The following KDM4B variants were observed in gnomAD, a reference collection of about 807,000 sequenced individuals.
KDM4B encodes the protein lysine demethylase 4B, also known as lysine-specific demethylase 4B.
A neutral mutation model predicts 125.2 loss-of-function variants in KDM4B; 32 were observed. The observed-to-expected ratio is 0.26, with a 90% confidence interval of 0.19 to 0.34. KDM4B has a LOEUF of 0.34. KDM4B is among the 10% of genes least tolerant of loss of function. KDM4B has a pLI of 1.00. For synonymous variants in KDM4B, 721 were observed against 677.9 expected (o/e 1.06, Z -0.99); for missense variants, 1,190 against 1,577.7 (o/e 0.75, Z 4.16).
intron 6 of KDM4B, among the ~76,000 whole-genome samples, chr19:5,064,514 C>T (rs569557835): frequency 3.3e-5 from 5 of 152,260 alleles, no homozygotes; most frequent in East Asian, 3.9e-4. Context: ...ACCTAATTGC[C>T]GAGAGCTTCC....
chr19:5,008,971 A>G (rs891402999), intron 1 of KDM4B, among the ~76,000 whole-genome samples: 1 of 139,220 alleles, frequency 7.2e-6, no homozygotes, highest in African/African-American at 2.8e-5. Flanking sequence ...GCTGGAGTGC[A>G]GTGGCATGAT....
intron 4 of KDM4B, 145 bp from the exon 5 acceptor site, chr19:5,040,992 G>A (rs555851345): frequency 2.6e-5 from 14 of 530,862 alleles, no homozygotes; most frequent in Admixed American, 9.5e-5. Context: ...AGCAGGTTGC[G>A]TGGTACCCTA....
chr19:5,026,854 T>C (rs2036294234), intron 2 of KDM4B, among the ~76,000 whole-genome samples: 1 of 152,206 alleles, frequency 6.6e-6, no homozygotes, highest in Non-Finnish European at 1.5e-5. Context: ...CCTGCCCTGG[T>C]GTCCCCATAG....
intron 11 of KDM4B, among the ~76,000 whole-genome samples, chr19:5,121,304 C>G (rs2039356460): frequency 1.3e-5 from 2 of 152,118 alleles, no homozygotes; most frequent in Admixed American, 1.3e-4. Context: ...GTACGTGGGC[C>G]CTGCGTCTGT....
At position 5,141,193 on chromosome 19, in the gene KDM4B, G is replaced by A. The variant is rs2039735864; in HGVS notation, c.2551-2774G>A. On this transcript the variant is annotated intron_variant, in intron 18 of 22. Transcript: ENST00000159111. The surrounding 1 kb of genome is among the most constrained non-coding windows in gnomAD (Gnocchi z 6.4). ...GCAGGGCTGTGCAGGCAGTCACAGA[G>A]GCTCATCTGGAAGGGGAGCCCTCTT... is the stretch of plus-strand genomic sequence containing the variant. 6.6e-6 allele frequency: 1 copy of A among 152,260 alleles called. No homozygotes were observed. The highest frequency in any genetic ancestry group is 6.5e-5 in the Admixed American group (1 of 15,288). 9.4% of individuals were successfully genotyped at this position (152,260 alleles called of 1,614,324 possible).
chr19:4,979,943 C>G (rs1257379414), intron 1 of KDM4B, among the ~76,000 whole-genome samples: 1 of 151,902 alleles, frequency 6.6e-6, no homozygotes, highest in African/African-American at 2.4e-5. Context: ...TCTCTACTAA[C>G]AATACAAAAG....
chr19:5,115,013 CAG>C lies in KDM4B; in HGVS notation c.1115+4200_1115+4201del, dbSNP rs1021759566. Among the ~76,000 whole-genome samples, 3 of 152,196 alleles carry C rather than the reference CAG, an allele frequency of 2.0e-5. No individual in the cohort carries two copies. Among genetic ancestry groups the C allele is most frequent in the Admixed American group, 2.0e-4 (3 of 15,286 alleles). On this transcript the variant is annotated intron_variant, in intron 10 of 22. Transcript: ENST00000159111. The surrounding 1 kb of genome is among the most constrained non-coding windows in gnomAD (Gnocchi z 4.2). ...CTCTCCTGAAACGCCACTGAAACAC[CAG>C]AGAGTGAAGTGCAGAGAACGGGAGA...
At chr19:5,099,716 TGGA>T (rs888591216) in intron 9 of KDM4B, among the ~76,000 whole-genome samples, 39 of 152,300 alleles carry the variant, frequency 2.6e-4, no homozygotes, top group African/African-American at 9.4e-4. Flanking sequence ...GGCACCCTCA[TGGA>T]GGAGATCAGA....
intron 9 of KDM4B, among the ~76,000 whole-genome samples, chr19:5,104,073 T>C (rs1465724333): frequency 6.6e-6 from 1 of 152,122 alleles, no homozygotes; most frequent in East Asian, 1.9e-4. Flanking sequence ...GGAAAAAGTG[T>C]CCTGTGGCTG....
intron 9 of KDM4B, among the ~76,000 whole-genome samples, chr19:5,092,277 C>A (rs2038724658): frequency 6.6e-6 from 1 of 152,132 alleles, no homozygotes; most frequent in Admixed American, 6.5e-5. Flanking sequence ...TGAGCAGTGC[C>A]CCTGGCCTCC....
chr19:5,031,387 G>A (rs1003914573), intron 2 of KDM4B, among the ~76,000 whole-genome samples: 3 of 152,384 alleles, frequency 2.0e-5, no homozygotes, highest in South Asian at 2.1e-4. Context: ...TAGGCTGCAC[G>A]TGGTCACGTG....
Position 5,133,932 on chromosome 19 carries a change from G to C in KDM4B, c.1956G>C (p.Leu652Phe). The C allele has an allele frequency of 6.2e-7, 1 of 1,613,120 alleles. No homozygotes were observed. The highest frequency in any genetic ancestry group is 8.5e-7 in the Non-Finnish European group (1 of 1,179,932). Residue 652 changes from leucine to phenylalanine, a missense_variant, in exon 14 of 23, where the codon TTG becomes TTC. Around this residue, in one of 7 missense-constraint regions of KDM4B, gnomAD observed 128 missense variants for 137.8 expected, o/e 0.93. Coordinates refer to ENST00000159111, the MANE Select transcript of KDM4B (RefSeq NM_015015.3). Reference protein sequence around the residue: ...GEEDVSDPDALRPLLSLQWKN... With the variant: ...GEEDVSDPDAFRPLLSLQWKN... ...AAGATGTGAGTGACCCGGACGCCTT[G>C]AGGCCGCTGCTGTCTCTGCAGTGGA...
chr19:5,056,989 C>T (rs1306546516), intron 6 of KDM4B, among the ~76,000 whole-genome samples: 6 of 151,636 alleles, frequency 4.0e-5, no homozygotes, highest in East Asian at 3.9e-4. Flanking sequence ...TGATTTGGTA[C>T]AGAAACGGAC....
At chr19:4,980,902 G>A (rs1414441782) in intron 1 of KDM4B, among the ~76,000 whole-genome samples, 8 of 146,002 alleles carry the variant, frequency 5.5e-5, no homozygotes, top group South Asian at 2.2e-4. Context: ...AATACAGGCC[G>A]AGATGGCCCC....
intron 21 of KDM4B, among the ~76,000 whole-genome samples, chr19:5,146,196 G>T (rs1347933040): frequency 7.8e-6 from 1 of 128,648 alleles, no homozygotes; most frequent in East Asian, 2.6e-4. Flanking sequence ...GGCCGGCCCC[G>T]CCCGGTCACT....
At chr19:5,100,708 C>G (rs1241694571) in intron 9 of KDM4B, among the ~76,000 whole-genome samples, 2 of 152,242 alleles carry the variant, frequency 1.3e-5, no homozygotes, top group African/African-American at 4.8e-5. Flanking sequence ...AGCCACCACA[C>G]TTGGCCTCTT....
At chr19:5,052,285 G>A (rs986169566) in intron 6 of KDM4B, among the ~76,000 whole-genome samples, 3 of 151,376 alleles carry the variant, frequency 2.0e-5, no homozygotes, top group Non-Finnish European at 4.4e-5. Context: ...GGTGTCCCTG[G>A]AGGTGTGCGT....
chr19:5,066,690 G>T (rs1157295819), intron 6 of KDM4B, among the ~76,000 whole-genome samples: 3 of 152,238 alleles, frequency 2.0e-5, no homozygotes, highest in African/African-American at 7.2e-5. Flanking sequence ...CACGGAGCTT[G>T]TGGAGCCTTC....
chr19:5,021,666 T>C, intron 2 of KDM4B, among the ~76,000 whole-genome samples: 1 of 140,972 alleles, frequency 7.1e-6, no homozygotes, highest in African/African-American at 2.7e-5. Flanking sequence ...TGAGACAGTC[T>C]CGCTCTGTTG....
Sources: allele counts gnomAD v4.1 joint callset (sites outside exome capture counted in the v4.1 genomes callset), GRCh38; gene constraint gnomAD v4.1.1; regional missense constraint gnomAD v4.1.1; non-coding constraint Gnocchi (gnomAD v3.1); transcripts MANE v1.5; gene names NCBI Gene and HGNC (gene_info 2026-07-23, HGNC 2026-07-21).